DOCK4: variants seen among roughly 807,000 people sequenced by gnomAD.
DOCK4 encodes dedicator of cytokinesis 4.
DOCK4 carries 97 observed loss-of-function variants against 268.1 expected under a neutral mutation model. The observed-to-expected ratio is 0.36, with a 90% confidence interval of 0.31 to 0.43. The LOEUF (loss-of-function observed/expected upper bound fraction) is 0.43. Among genes scored for constraint, DOCK4 ranks in the 20% least tolerant of loss-of-function variants. The probability of loss-of-function intolerance (pLI) is 1.00; values close to 1 mark genes in which losing one functional copy is unlikely to be tolerated. For synonymous variants in DOCK4, 954 were observed against 887.2 expected, an observed-to-expected ratio of 1.08 and a Z score of -1.34; for missense variants, 2,145 against 2,455.7, an observed-to-expected ratio of 0.87 and a Z score of 2.67.
intron 8 of DOCK4, among the ~76,000 whole-genome samples, chr7:111,955,646 G>A (rs1295373039): frequency 3.9e-5 from 6 of 152,084 alleles, no homozygotes; most frequent in Non-Finnish European, 8.8e-5. Flanking sequence ...TCTGTTTTTA[G>A]GAAAGGTAAA....
intron 4 of DOCK4, among the ~76,000 whole-genome samples, chr7:111,997,976 T>G (rs1192792007): frequency 6.6e-6 from 1 of 152,206 alleles, no homozygotes; most frequent in Non-Finnish European, 1.5e-5. Flanking sequence ...ATCATATAAA[T>G]GACATTCTCT....
At chr7:111,843,459 T>C (rs1803849574) in intron 25 of DOCK4, among the ~76,000 whole-genome samples, 1 of 152,144 alleles carries the variant, frequency 6.6e-6, no homozygotes, top group Non-Finnish European at 1.5e-5. Context: ...CAAATAAGTA[T>C]GTGAAAAGTT....
intron 12 of DOCK4, among the ~76,000 whole-genome samples, chr7:111,926,110 G>GAAAGAGAAAA: frequency 7.7e-6 from 1 of 130,170 alleles, no homozygotes; most frequent in African/African-American, 3.4e-5. Context: ...GAGAGAGAGA[G>GAAAGAGAAAA]AGAAAGAGAA....
At chr7:111,985,532 A>C (rs1448958829) in intron 6 of DOCK4, among the ~76,000 whole-genome samples, 1 of 152,224 alleles carries the variant, frequency 6.6e-6, no homozygotes, top group Non-Finnish European at 1.5e-5. Context: ...AGGTTTCATA[A>C]GTAAAATTTA....
chr7:111,782,101 A>G (rs1798821567), intron 35 of DOCK4, among the ~76,000 whole-genome samples: 1 of 152,240 alleles, frequency 6.6e-6, no homozygotes. Flanking sequence ...GAACTTATCC[A>G]AAACATTAAT....
intron 25 of DOCK4, among the ~76,000 whole-genome samples, chr7:111,838,650 T>C (rs61487431): frequency 0.27 from 40,820 of 151,956 alleles, 6,366 homozygotes; most frequent in African/African-American, 0.43. Flanking sequence ...TGTAAACTTA[T>C]GTACAGTAAT....
Position 111,844,748 on chromosome 7 carries a change from G to A in DOCK4, c.2736+15C>T. 1 of 1,610,234 alleles carries A rather than the reference G, an allele frequency of 6.2e-7. No homozygotes were observed. Among genetic ancestry groups the A allele is most frequent in the South Asian group, 1.1e-5 (1 of 90,274 alleles). ...CCAGGCCCTGTTCCACGTGCCATCTGCTCTATGATCTTACAGTGACATCCT... is the reference window on the plus strand; with the variant it reads ...CCAGGCCCTGTTCCACGTGCCATCTACTCTATGATCTTACAGTGACATCCT... On this transcript the variant is annotated intron_variant, in intron 25 of 52. Transcript: ENST00000428084.
At chr7:111,934,983 G>A (rs1481059983) in intron 12 of DOCK4, among the ~76,000 whole-genome samples, 1 of 150,462 alleles carries the variant, frequency 6.6e-6, no homozygotes, top group Admixed American at 6.6e-5. Flanking sequence ...GTCTTACTGT[G>A]TCACGCAGGC....
At chr7:111,785,988 A>G (rs1201411690) in intron 32 of DOCK4, among the ~76,000 whole-genome samples, 2 of 152,152 alleles carry the variant, frequency 1.3e-5, no homozygotes, top group African/African-American at 4.8e-5. Flanking sequence ...CTCTCTCGGT[A>G]TCATAATGGG....
chr7:112,153,531 G>T (rs1816301177), intron 1 of DOCK4, among the ~76,000 whole-genome samples: 1 of 152,118 alleles, frequency 6.6e-6, no homozygotes, highest in African/African-American at 2.4e-5. Flanking sequence ...TTTTAAAAAT[G>T]ATAGGCAATT....
At chr7:111,899,855 C>T (rs750003325) in intron 15 of DOCK4, among the ~76,000 whole-genome samples, 3 of 152,132 alleles carry the variant, frequency 2.0e-5, no homozygotes, top group Non-Finnish European at 2.9e-5. Flanking sequence ...GCCTGGGAGG[C>T]GGAAGTTGCA....
chr7:111,764,282 T>G (rs1477680949), intron 39 of DOCK4, among the ~76,000 whole-genome samples: 2 of 152,360 alleles, frequency 1.3e-5, no homozygotes, highest in Middle Eastern at 6.8e-3. Context: ...GAAATCTTTC[T>G]CTTCTTCTCC....
intron 49 of DOCK4, among the ~76,000 whole-genome samples, chr7:111,738,923 GA>G (rs1426838814): frequency 3.3e-5 from 5 of 151,216 alleles, no homozygotes; most frequent in African/African-American, 9.7e-5. Flanking sequence ...GGGTGACAGC[GA>G]GATCCTGTCT....
At chr7:111,859,177 CCTGA>C (rs1325156557) in intron 23 of DOCK4, among the ~76,000 whole-genome samples, 5 of 152,122 alleles carry the variant, frequency 3.3e-5, no homozygotes, top group South Asian at 2.1e-4. Flanking sequence ...CACCACCACA[CCTGA>C]CTATTTTTTG....
intron 1 of DOCK4, among the ~76,000 whole-genome samples, chr7:112,107,717 T>G (rs1374623130): frequency 6.6e-6 from 1 of 152,130 alleles, no homozygotes; most frequent in East Asian, 1.9e-4. Context: ...GCCCTAGAGA[T>G]GCGTAGAATT....
At chr7:111,732,095 C>T (rs1795130805) in intron 52 of DOCK4, 131 bp downstream of exon 52, 4 of 895,096 alleles carry the variant, frequency 4.5e-6, no homozygotes, top group Middle Eastern at 2.5e-4. Context: ...ACCAGCTTCC[C>T]CTATCCCTGA....
intron 1 of DOCK4, among the ~76,000 whole-genome samples, chr7:112,142,560 A>T (rs1815033545): frequency 6.6e-6 from 1 of 152,192 alleles, no homozygotes. Flanking sequence ...AGTATTATTT[A>T]CTATTTTTTA....
chr7:112,102,052 G>T (rs1455809316), intron 1 of DOCK4, among the ~76,000 whole-genome samples: 1 of 151,918 alleles, frequency 6.6e-6, no homozygotes, highest in Admixed American at 6.6e-5. Context: ...AAGGATGGTC[G>T]GTTCTGAGAC....
At chr7:112,042,755 C>T (rs1563025262) in intron 1 of DOCK4, among the ~76,000 whole-genome samples, 1 of 152,172 alleles carries the variant, frequency 6.6e-6, no homozygotes, top group Admixed American at 6.6e-5. Flanking sequence ...TTTGTCTCCT[C>T]TGAAACTCAT....
Sources: gnomAD v4.1 joint callset for allele counts (sites outside exome capture counted in the v4.1 genomes callset) on GRCh38, gnomAD v4.1.1 for gene constraint, MANE v1.5 for transcripts, NCBI Gene and HGNC (gene_info 2026-07-23, HGNC 2026-07-21) for gene names.